SAXO3: variants seen among roughly 807,000 people sequenced by gnomAD.
The protein encoded by SAXO3 is CTB-60B18.10.
the SAXO3 span, chr19:49,017,969 C>A: frequency 2.5e-6 from 1 of 398,536 alleles, no homozygotes; most frequent in Non-Finnish European, 4.4e-6. Context: ...CCTGACGGCT[C>A]ACACCAGCGC....
At chr19:49,019,993 G>A in the SAXO3 span, 1 of 1,503,846 alleles carries the variant, frequency 6.6e-7, no homozygotes, top group East Asian at 2.5e-5. Flanking sequence ...GCCCGCCATG[G>A]GTCTTGGGCA....
chr19:49,018,758 G>T, the SAXO3 span: 1 of 890,844 alleles, frequency 1.1e-6, no homozygotes, highest in African/African-American at 1.7e-5. Flanking sequence ...TGCTGCTACA[G>T]AAGTCGAGGC....
At chr19:49,019,487 C>G in the SAXO3 span, 2 of 1,204,592 alleles carry the variant, frequency 1.7e-6, no homozygotes, top group Non-Finnish European at 2.1e-6. Context: ...CCTGGTCCTT[C>G]TGGCCTGGCC....
At chr19:49,019,317 T>G in the SAXO3 span, 1 of 1,187,414 alleles carries the variant, frequency 8.4e-7, no homozygotes, top group Non-Finnish European at 1.1e-6. Flanking sequence ...ACCGTCTTGG[T>G]GTGGCCACTG....
the SAXO3 span, chr19:49,019,801 T>C: frequency 3.3e-6 from 4 of 1,229,846 alleles, no homozygotes; most frequent in African/African-American, 1.6e-5. Context: ...CCAGCCGCGG[T>C]GTCTGAGCTG....
At chr19:49,019,154 G>A in the SAXO3 span, 1 of 1,407,824 alleles carries the variant, frequency 7.1e-7, no homozygotes, top group Middle Eastern at 2.6e-4. Flanking sequence ...AGCCCTTCCT[G>A]CCACCCACGC....
chr19:49,018,981 T>G, the SAXO3 span: 2 of 1,533,548 alleles, frequency 1.3e-6, no homozygotes, highest in African/African-American at 2.7e-5. Context: ...CTCGGGGTTC[T>G]TCGTCCAGGC....
chr19:49,018,747 T>C, the SAXO3 span: 1 of 826,244 alleles, frequency 1.2e-6, no homozygotes, highest in Non-Finnish European at 1.9e-6. Flanking sequence ...ACTTTGGTTC[T>C]TGCTGCTACA....
the SAXO3 span, among the ~76,000 whole-genome samples, chr19:49,018,542 C>A: frequency 6.6e-6 from 1 of 152,192 alleles, no homozygotes; most frequent in South Asian, 2.1e-4. Flanking sequence ...CTTTCGCATC[C>A]TAGGGAAGTA....
At chr19:49,019,838 G>T in the SAXO3 span, 3 of 1,263,722 alleles carry the variant, frequency 2.4e-6, no homozygotes, top group South Asian at 3.1e-5. Flanking sequence ...AGACTCACGT[G>T]AAGGAGCAGG....
Sources: gnomAD v4.1 joint callset for allele counts (sites outside exome capture counted in the v4.1 genomes callset) on GRCh38, gnomAD v4.1.1 for gene constraint, MANE v1.5 for transcripts, NCBI Gene and HGNC (gene_info 2026-07-23, HGNC 2026-07-21) for gene names.